The following PRORP variants were observed in gnomAD, a reference collection of about 807,000 sequenced individuals.
The protein encoded by PRORP is mitochondrial ribonuclease P catalytic subunit.
PRORP carries 51 observed loss-of-function variants against 59.4 expected under a neutral mutation model. The observed-to-expected ratio is 0.86, with a 90% confidence interval of 0.69 to 1.08. The LOEUF (loss-of-function observed/expected upper bound fraction) is 1.08, where lower values mean the gene tolerates loss of function less well. Ranked by LOEUF, PRORP falls within the 50% of genes least tolerant of loss-of-function variation. The pLI is 0.00. For missense variants in PRORP, 646 were observed against 690.3 expected (o/e 0.94, Z 0.72); for synonymous variants, 231 against 245.6 (o/e 0.94, Z 0.55).
intron 5 of PRORP, among the ~76,000 whole-genome samples, chr14:35,246,684 G>A (rs1331056322): frequency 6.6e-6 from 1 of 152,064 alleles, no homozygotes; most frequent in Non-Finnish European, 1.5e-5. Context: ...ATTTCAAGTG[G>A]GGTTAAGATT....
At chr14:35,262,852 T>C in intron 5 of PRORP, 2 of 1,523,676 alleles carry the variant, frequency 1.3e-6, no homozygotes, top group Admixed American at 1.7e-5. Flanking sequence ...AGAACAGGTG[T>C]TGCTTGTTCA....
At chr14:35,193,205 T>C (rs2048927614) in intron 5 of PRORP, among the ~76,000 whole-genome samples, 1 of 152,218 alleles carries the variant, frequency 6.6e-6, no homozygotes, top group South Asian at 2.1e-4. Flanking sequence ...TGCTAGTTCT[T>C]CAAAATTCTG....
Position 35,154,700 on chromosome 14 carries a change from C to CA in PRORP, c.1168-25956dup, listed in dbSNP as rs138725314. ...CAGTTTCTTCCAATAAATGAATTGC[C>CA]AAAAAAAAAAAAAAGAGATGGAGCA... On this transcript the variant is annotated intron_variant, in intron 4 of 7. Coordinates refer to ENST00000534898, the MANE Select transcript of PRORP (RefSeq NM_014672.4). Among the ~76,000 whole-genome samples the CA allele has an allele frequency of 7.6e-3, 947 of 124,852 alleles. 8 individuals are homozygous for CA. The highest frequency in any genetic ancestry group is 0.021 in the African/African-American group (747 of 34,950). The allele number at this position is 124,852 out of a possible 152,430, so 81.9% of individuals were successfully genotyped here. A position where few individuals can be genotyped will look rare whatever the true frequency, so the allele number is the denominator to read the frequency against.
intron 4 of PRORP, among the ~76,000 whole-genome samples, chr14:35,147,748 A>C (rs1400467278): frequency 6.6e-6 from 1 of 152,228 alleles, no homozygotes; most frequent in Non-Finnish European, 1.5e-5. Flanking sequence ...ATTTTACCAC[A>C]TTAGAACTTT....
chr14:35,155,582 A>T (rs897739127), intron 4 of PRORP, among the ~76,000 whole-genome samples: 2 of 134,120 alleles, frequency 1.5e-5, no homozygotes, highest in Non-Finnish European at 3.3e-5. Flanking sequence ...AAAAAAAAAA[A>T]GCTGACAAAT....
chr14:35,266,992 T>TAAAAA, intron 6 of PRORP, 117 bp downstream of exon 6: 1 of 668,510 alleles, frequency 1.5e-6, no homozygotes, highest in Non-Finnish European at 2.1e-6. Context: ...TCACCCTCAT[T>TAAAAA]AAAAAAAAAA....
rs758778386 is a variant in PRORP at position 35,123,813 on chromosome 14, CA to C, written c.569del (p.Gln190ArgfsTer12). The C allele has an allele frequency of 6.2e-7, 1 of 1,613,828 alleles. No homozygotes were observed. Among genetic ancestry groups the C allele is most frequent in the Non-Finnish European group, 8.5e-7 (1 of 1,179,720 alleles). ...TTTGTATCTCTGTGTCTTTCATATG[CA>C]GACATCTGAAGTTATTGATGTCTTT... ...KYLYLCVFHM[Q>X]TSEVIDVFEI... On this transcript the variant is annotated frameshift_variant, in exon 2 of 8. Coordinates refer to ENST00000534898, the MANE Select transcript of PRORP (RefSeq NM_014672.4). LOFTEE classifies it high-confidence loss of function.
At chr14:35,269,276 C>T (rs1317714914) in intron 6 of PRORP, among the ~76,000 whole-genome samples, 1 of 152,092 alleles carries the variant, frequency 6.6e-6, no homozygotes, top group African/African-American at 2.4e-5. Context: ...ATGTTAGTTG[C>T]TGTCATGATC....
intron 5 of PRORP, among the ~76,000 whole-genome samples, chr14:35,234,585 C>T (rs1448561179): frequency 6.6e-6 from 1 of 152,046 alleles, no homozygotes; most frequent in East Asian, 1.9e-4. Context: ...CCTTACTTCC[C>T]TCTTGGCACT....
chr14:35,254,068 G>C (rs115125941), intron 5 of PRORP, among the ~76,000 whole-genome samples: 1,551 of 149,812 alleles, frequency 0.01, 32 homozygotes, highest in African/African-American at 0.035. Context: ...CCCACCTTGA[G>C]ATATCAAAAG....
At chr14:35,267,169 C>T (rs1299959710) in intron 6 of PRORP, among the ~76,000 whole-genome samples, 1 of 151,964 alleles carries the variant, frequency 6.6e-6, no homozygotes, top group African/African-American at 2.4e-5. Flanking sequence ...GCCATAAGAT[C>T]CTAAGTAGAT....
chr14:35,229,739 G>A (rs2050025103), intron 5 of PRORP, among the ~76,000 whole-genome samples: 1 of 152,128 alleles, frequency 6.6e-6, no homozygotes, highest in Non-Finnish European at 1.5e-5. Context: ...AGCAGGTGGG[G>A]TCTTTAATGA....
At chr14:35,188,397 G>A (rs543174395) in intron 5 of PRORP, among the ~76,000 whole-genome samples, 1 of 150,666 alleles carries the variant, frequency 6.6e-6, no homozygotes, top group African/African-American at 2.4e-5. Context: ...CACCATGTTG[G>A]TCAGGCTGGT....
At chr14:35,181,289 CATTTT>C (rs1330291589) in intron 5 of PRORP, among the ~76,000 whole-genome samples, 1 of 152,032 alleles carries the variant, frequency 6.6e-6, no homozygotes, top group African/African-American at 2.4e-5. Context: ...ATAAGACTAT[CATTTT>C]TCATAGCTGC....
intron 5 of PRORP, among the ~76,000 whole-genome samples, chr14:35,249,645 G>A (rs1434884179): frequency 6.6e-6 from 1 of 152,086 alleles, no homozygotes; most frequent in African/African-American, 2.4e-5. Context: ...AGACCAGTGT[G>A]ATAGTATATT....
In PRORP at chr14:35,152,300, A is replaced by G. The variant is rs560351375; in HGVS notation, c.1167+24689A>G. 2.0e-5 allele frequency among the ~76,000 whole-genome samples: 3 copies of G among 152,362 alleles called. No individual in the cohort carries two copies. The South Asian group carries it at 6.2e-4, about 32-fold the overall frequency. ...AAGGCAGAAGAATTTTTCTTAGTAC[A>G]GAACAAAATGAAGTCTCCCATGTCT... On this transcript the variant is annotated intron_variant, in intron 4 of 7. Coordinates refer to ENST00000534898, the MANE Select transcript of PRORP (RefSeq NM_014672.4).
intron 4 of PRORP, among the ~76,000 whole-genome samples, chr14:35,130,889 C>T (rs1217000182): frequency 1.3e-5 from 2 of 152,022 alleles, no homozygotes; most frequent in East Asian, 3.9e-4. Flanking sequence ...ATCTTCCCAC[C>T]TTGGCCTCCC....
chr14:35,214,593 G>T (rs1328744421), intron 5 of PRORP, among the ~76,000 whole-genome samples: 3 of 152,104 alleles, frequency 2.0e-5, no homozygotes, highest in African/African-American at 7.2e-5. Context: ...TCTTACATGG[G>T]TGTGGTTCCT....
At chr14:35,216,931 C>A (rs530298555) in intron 5 of PRORP, among the ~76,000 whole-genome samples, 20 of 152,060 alleles carry the variant, frequency 1.3e-4, no homozygotes, top group Non-Finnish European at 2.8e-4. Flanking sequence ...TGCTTATTAG[C>A]CATTTGTGTA....
Sources: gnomAD v4.1 joint callset for allele counts (sites outside exome capture counted in the v4.1 genomes callset) on GRCh38, gnomAD v4.1.1 for gene constraint, MANE v1.5 for transcripts, NCBI Gene and HGNC (gene_info 2026-07-23, HGNC 2026-07-21) for gene names.